The following SEPTIN11 variants were observed in gnomAD, a reference collection of about 807,000 sequenced individuals.
SEPTIN11 encodes septin-11.
A neutral mutation model predicts 51.4 loss-of-function variants in SEPTIN11; 25 were observed. That is an observed-to-expected ratio of 0.49 (90% CI 0.35 to 0.68). SEPTIN11 has a LOEUF of 0.68. SEPTIN11 is among the 30% of genes least tolerant of loss of function. SEPTIN11 has a pLI of 0.00. For synonymous variants in SEPTIN11, 174 were observed against 184.1 expected (o/e 0.95, Z 0.44); for missense variants, 381 against 520.8 (o/e 0.73, Z 2.61).
chr4:76,971,725 A>C (rs1001953291), intron 1 of SEPTIN11, among the ~76,000 whole-genome samples: 2 of 152,190 alleles, frequency 1.3e-5, no homozygotes, highest in Non-Finnish European at 2.9e-5. Context: ...CCAAGACTTT[A>C]TGAGCTTCTT....
rs916522330 is a variant in SEPTIN11 at position 76,987,905 on chromosome 4, T to C, written c.28-8520T>C. ...TCTTCTCTTTTCCAAGTGGGTATTC[T>C]GTAAGGAGAAAAGACAGAGCTCAAA... On this transcript the variant is annotated intron_variant, in intron 1 of 9. Coordinates refer to ENST00000264893, the MANE Select transcript of SEPTIN11 (RefSeq NM_018243.4). 8.8e-6 allele frequency: 7 copies of C among 792,992 alleles called. No homozygotes were observed. The African/African-American group carries it at 1.1e-4, about 13-fold the overall frequency. 49.1% of individuals were successfully genotyped at this position (792,992 alleles called of 1,614,324 possible).
At chr4:76,954,591 C>T (rs1201862982) in intron 1 of SEPTIN11, among the ~76,000 whole-genome samples, 2 of 152,148 alleles carry the variant, frequency 1.3e-5, no homozygotes, top group Admixed American at 6.5e-5. Context: ...AATACTTGGG[C>T]TAAGGTAATA....
At chr4:76,979,711 C>T (rs1458886417) in intron 1 of SEPTIN11, among the ~76,000 whole-genome samples, 1 of 151,898 alleles carries the variant, frequency 6.6e-6, no homozygotes, top group East Asian at 1.9e-4. Context: ...TGATGAAACC[C>T]CGTCTCTACT....
chr4:77,039,483 C>G, downstream of SEPTIN11: 1 of 985,328 alleles, frequency 1.0e-6, no homozygotes, highest in Non-Finnish European at 1.2e-6. Context: ...GGCCACCACA[C>G]CCAGGGCCCA....
chr4:76,962,812 TAC>T (rs977709410), intron 1 of SEPTIN11, among the ~76,000 whole-genome samples: 1 of 152,170 alleles, frequency 6.6e-6, no homozygotes. Flanking sequence ...CTTTAAGGTA[TAC>T]ACACAGTCAC....
chr4:76,964,725 C>T (rs1442213545), intron 1 of SEPTIN11, among the ~76,000 whole-genome samples: 3 of 152,180 alleles, frequency 2.0e-5, no homozygotes, highest in African/African-American at 7.2e-5. Flanking sequence ...TGCCAGGCCT[C>T]GCTTACCTGT....
intron 6 of SEPTIN11, 136 bp from the exon 7 acceptor site, chr4:77,020,366 G>A: frequency 2.9e-6 from 3 of 1,035,902 alleles, no homozygotes; most frequent in Non-Finnish European, 4.3e-6. Flanking sequence ...GGTGAATCCA[G>A]TAAAGGATCT....
In SEPTIN11 at chr4:77,036,428, G is replaced by A. The variant is rs1001452466; in HGVS notation, c.*1916G>A. 16 of 1,169,062 alleles carry A rather than the reference G, an allele frequency of 1.4e-5. No homozygotes were observed. The highest frequency in any genetic ancestry group is 1.3e-4 in the African/African-American group (8 of 60,820). 72.4% of individuals were successfully genotyped at this position (1,169,062 alleles called of 1,614,324 possible). ...GTGTTGTATGCTTGTTCCAACCACC[G>A]CTTGTGTGAGCATTTTTGTGGCTTG... is the stretch of plus-strand genomic sequence containing the variant. On this transcript the variant is annotated 3_prime_UTR_variant, in exon 10 of 10. Coordinates refer to ENST00000264893, the MANE Select transcript of SEPTIN11 (RefSeq NM_018243.4).
At chr4:77,030,074 G>A (rs1726500489) in intron 8 of SEPTIN11, among the ~76,000 whole-genome samples, 1 of 151,896 alleles carries the variant, frequency 6.6e-6, no homozygotes, top group South Asian at 2.1e-4. Context: ...CTGGGCAAAT[G>A]GTGAAACCCC....
chr4:77,016,655 T>TATATATATATATATATATATATATAC (rs1553975019), intron 5 of SEPTIN11, among the ~76,000 whole-genome samples: 1 of 109,024 alleles, frequency 9.2e-6, no homozygotes. Context: ...TATATATATA[T>TATATATATATATATATATATATATAC]ACACATATAT....
chr4:77,003,778 T>C lies in SEPTIN11; in HGVS notation c.143-1823T>C, dbSNP rs1446736772. The stretch of plus-strand genomic sequence containing the variant: ...ACAGAATTTATAACTAGTAAGTAGA[T>C]TTTGTCATTATAGTGGGAGGGTTGC... On this transcript the variant is annotated intron_variant, in intron 2 of 9. Transcript: ENST00000264893. Among the ~76,000 whole-genome samples, 5 of 152,318 alleles carry C rather than the reference T, an allele frequency of 3.3e-5. No homozygotes were observed. The East Asian group carries it at 9.6e-4, about 29-fold the overall frequency.
At chr4:77,023,614 G>A (rs984458673) in intron 7 of SEPTIN11, among the ~76,000 whole-genome samples, 1 of 152,010 alleles carries the variant, frequency 6.6e-6, no homozygotes, top group African/African-American at 2.4e-5. Context: ...CCAAAAGTTG[G>A]CTTTGAATCA....
intron 9 of SEPTIN11, chr4:77,031,785 C>G (rs1726657177): frequency 6.6e-6 from 1 of 152,158 alleles, no homozygotes; most frequent in South Asian, 2.1e-4. Context: ...CTAACGAAAA[C>G]CTTTGTGGTG....
intron 5 of SEPTIN11, among the ~76,000 whole-genome samples, chr4:77,016,645 T>TATATATATATATATACACAC (rs1725314400): frequency 7.8e-6 from 1 of 127,846 alleles, no homozygotes; most frequent in African/African-American, 2.9e-5. Context: ...TATATATATA[T>TATATATATATATATACACAC]ATATATATAT....
chr4:76,995,153 G>A lies in SEPTIN11; in HGVS notation c.28-1272G>A, dbSNP rs556758387. 1.8e-3 allele frequency among the ~76,000 whole-genome samples: 271 copies of A among 151,168 alleles called. 2 individuals carry two copies. The highest frequency in any genetic ancestry group is 6.1e-3 in the African/African-American group (251 of 41,330). ...AATCCCAGCACTTTGGGAGGCCGAC[G>A]CGGGCAGATCACGAGGTCAGGAGTT... On this transcript the variant is annotated intron_variant, in intron 1 of 9. Coordinates refer to ENST00000264893, the MANE Select transcript of SEPTIN11 (RefSeq NM_018243.4).
chr4:77,027,228 T>G (rs1726225964), intron 7 of SEPTIN11, among the ~76,000 whole-genome samples: 1 of 152,184 alleles, frequency 6.6e-6, no homozygotes, highest in Admixed American at 6.5e-5. Context: ...CTCCAATTCC[T>G]GGGTTCAAGT....
chr4:77,031,722 GT>G (rs1256671662), intron 9 of SEPTIN11: 2 of 152,194 alleles, frequency 1.3e-5, no homozygotes, highest in Non-Finnish European at 2.9e-5. Context: ...ATAAAGCCTA[GT>G]TTTATGTCAA....
rs114633823 is a variant in SEPTIN11 at position 76,961,200 on chromosome 4, T to G, written c.27+11270T>G. Among the ~76,000 whole-genome samples, 1,224 of 152,332 alleles carry G rather than the reference T, an allele frequency of 8.0e-3. 20 individuals are homozygous for G. Among genetic ancestry groups the G allele is most frequent in the African/African-American group, 0.028 (1,175 of 41,572 alleles). The stretch of plus-strand genomic sequence containing the variant: ...AATAATAAGGCCCATTTTATTTCCC[T>G]TCTCTTTACCTTTTATAATGTAATT... On this transcript the variant is annotated intron_variant, in intron 1 of 9. Coordinates refer to ENST00000264893, the MANE Select transcript of SEPTIN11 (RefSeq NM_018243.4).
intron 3 of SEPTIN11, among the ~76,000 whole-genome samples, chr4:77,006,181 C>G (rs1724467460): frequency 6.6e-6 from 1 of 152,124 alleles, no homozygotes; most frequent in African/African-American, 2.4e-5. Flanking sequence ...TCACTTCATA[C>G]TGCTTGGGAA....
Sources: gnomAD v4.1 joint callset for allele counts (sites outside exome capture counted in the v4.1 genomes callset) on GRCh38, gnomAD v4.1.1 for gene constraint, MANE v1.5 for transcripts, NCBI Gene and HGNC (gene_info 2026-07-23, HGNC 2026-07-21) for gene names.